The following PCNX2 variants were observed in gnomAD, a reference collection of about 807,000 sequenced individuals.
PCNX2 encodes pecanex-like protein 2.
A neutral mutation model predicts 223.8 loss-of-function variants in PCNX2; 168 were observed. The observed-to-expected ratio is 0.75, with a 90% CI of 0.66 to 0.85. The LOEUF (loss-of-function observed/expected upper bound fraction) is 0.85. Among genes scored for constraint, PCNX2 ranks in the 40% least tolerant of loss-of-function variants. The pLI, the probability that PCNX2 is intolerant of heterozygous loss-of-function variation, is 0.00. For synonymous variants in PCNX2, 1,006 were observed against 1,052.6 expected (o/e 0.96, Z 0.86); for missense variants, 2,507 against 2,675.5 (o/e 0.94, Z 1.39).
At chr1:233,065,824 T>A (rs1672580686) in intron 23 of PCNX2, among the ~76,000 whole-genome samples, 1 of 152,134 alleles carries the variant, frequency 6.6e-6, no homozygotes, top group Admixed American at 6.5e-5. Flanking sequence ...CCTATCTGTA[T>A]CAGTGATAGC....
rs184036017 is a variant in PCNX2, at chr1:233,130,333, C to T, written c.3837+4680G>A. The stretch of plus-strand genomic sequence containing the variant: ...ACCCCCCCACCCACAAACACACCCA[C>T]GTATCCACACACATGCAAAGCCAGG... On this transcript the variant is annotated intron_variant, in intron 21 of 33. Coordinates refer to ENST00000258229, the MANE Select transcript of PCNX2 (RefSeq NM_014801.4). Among the ~76,000 whole-genome samples the T allele has an allele frequency of 3.4e-3, 518 of 152,150 alleles. 6 individuals are homozygous for T. Among genetic ancestry groups the T allele is most frequent in the African/African-American group, 0.012 (481 of 41,494 alleles).
Position 233,252,624 on chromosome 1 carries a change from A to G in PCNX2, c.1982+17T>C. On this transcript the variant is annotated intron_variant, in intron 6 of 33. Coordinates refer to ENST00000258229, the MANE Select transcript of PCNX2 (RefSeq NM_014801.4). ...CTTTATGACCAAGTGAAACTAAATT[A>G]AGTAACTTATCCTTACAAGGCTGTG... 6.2e-7 allele frequency: 1 copy of G among 1,603,176 alleles called. No individual in the cohort carries two copies. Among genetic ancestry groups the G allele is most frequent in the Non-Finnish European group, 8.5e-7 (1 of 1,176,430 alleles).
chr1:233,262,017 G>A (rs768591918), intron 3 of PCNX2, 28 bp downstream of exon 3: 24 of 1,612,558 alleles, frequency 1.5e-5, no homozygotes, highest in Non-Finnish European at 2.0e-5. Flanking sequence ...CACATGAAGA[G>A]GGTGAAACAG....
intron 21 of PCNX2, among the ~76,000 whole-genome samples, chr1:233,116,266 T>C (rs1460168225): frequency 6.6e-6 from 1 of 152,166 alleles, no homozygotes; most frequent in Non-Finnish European, 1.5e-5. Context: ...AACATTATAA[T>C]GCAACAAGAT....
At chr1:233,197,593 A>G (rs1680810755) in intron 15 of PCNX2, among the ~76,000 whole-genome samples, 1 of 152,226 alleles carries the variant, frequency 6.6e-6, no homozygotes, top group South Asian at 2.1e-4. Flanking sequence ...ACCTTTGTAT[A>G]TTAGATACAG....
intron 33 of PCNX2, 159 bp downstream of exon 33, chr1:232,985,933 G>A (rs185217724): frequency 1.2e-4 from 93 of 786,758 alleles, no homozygotes; most frequent in Admixed American, 5.0e-4. Flanking sequence ...AAGCCACTTC[G>A]TGTCTAATCA....
intron 17 of PCNX2, among the ~76,000 whole-genome samples, chr1:233,163,445 C>T (rs1678614746): frequency 6.6e-6 from 1 of 151,976 alleles, no homozygotes; most frequent in South Asian, 2.1e-4. Flanking sequence ...GAGATCACAC[C>T]ACTGCACTCC....
intron 32 of PCNX2, among the ~76,000 whole-genome samples, chr1:232,997,994 G>T (rs962194285): frequency 6.6e-6 from 1 of 152,188 alleles, no homozygotes; most frequent in South Asian, 2.1e-4. Context: ...GGAATGCAGC[G>T]ACCCCTGGAC....
chr1:233,214,418 T>C (rs1252137079), intron 12 of PCNX2, among the ~76,000 whole-genome samples: 1 of 152,172 alleles, frequency 6.6e-6, no homozygotes, highest in African/African-American at 2.4e-5. Context: ...TACTCCAATA[T>C]TTCTCAAAGT....
intron 1 of PCNX2, chr1:233,289,435 T>C (rs1661633587): frequency 1.4e-6 from 2 of 1,406,308 alleles, no homozygotes; most frequent in Non-Finnish European, 1.0e-6. Context: ...ATCTTGGCGC[T>C]CGTACTGAAC....
chr1:233,125,243 C>A (rs1413604638), intron 21 of PCNX2, among the ~76,000 whole-genome samples: 3 of 152,164 alleles, frequency 2.0e-5, no homozygotes, highest in African/African-American at 7.2e-5. Context: ...AAACTGTTTT[C>A]TTTCTTGCTT....
Position 232,997,971 on chromosome 1 carries a change from G to A in PCNX2, c.5791+280C>T, listed in dbSNP as rs757585512. Among the ~76,000 whole-genome samples, 8 of 152,258 alleles carry A rather than the reference G, an allele frequency of 5.3e-5. No individual in the cohort carries two copies. The South Asian group carries it at 6.2e-4, about 12-fold the overall frequency. Reference sequence around the variant, plus strand: ...ATCAAACGGTCATAGAGTGAGAGACGGAAAGATGGAATGGAATGCAGCGAC... The same window carrying A: ...ATCAAACGGTCATAGAGTGAGAGACAGAAAGATGGAATGGAATGCAGCGAC... On this transcript the variant is annotated intron_variant, in intron 32 of 33. Transcript: ENST00000258229.
At chr1:233,301,911 C>T in the PCNX2 span, among the ~76,000 whole-genome samples, 1 of 151,336 alleles carries the variant, frequency 6.6e-6, no homozygotes, top group African/African-American at 2.4e-5. Context: ...CATGCCTCAG[C>T]CTCCTGAGTA....
chr1:233,230,110 T>C (rs895302145), intron 9 of PCNX2, among the ~76,000 whole-genome samples: 2 of 151,422 alleles, frequency 1.3e-5, no homozygotes, highest in African/African-American at 4.9e-5. Flanking sequence ...CAAGAGAGAG[T>C]TTCTACCTTA....
chr1:233,229,879 A>T (rs1167242056), intron 9 of PCNX2, among the ~76,000 whole-genome samples: 1 of 152,122 alleles, frequency 6.6e-6, no homozygotes, highest in Non-Finnish European at 1.5e-5. Context: ...GGTTCATAGA[A>T]TTTTATTTTT....
intron 22 of PCNX2, among the ~76,000 whole-genome samples, chr1:233,091,731 T>A (rs1235236857): frequency 2.3e-4 from 11 of 47,336 alleles, no homozygotes; most frequent in South Asian, 6.8e-4. Flanking sequence ...AGACCCTCCC[T>A]CAAAAAAAAA....
chr1:233,252,593 C>T (rs1572155054), intron 6 of PCNX2, 48 bp downstream of exon 6: 2 of 1,597,404 alleles, frequency 1.3e-6, no homozygotes, highest in East Asian at 4.5e-5. Flanking sequence ...ATGAGGCTGT[C>T]TCATGCTTTA....
At chr1:233,188,320 C>CT (rs1190204258) in intron 15 of PCNX2, among the ~76,000 whole-genome samples, 1 of 152,158 alleles carries the variant, frequency 6.6e-6, no homozygotes, top group Non-Finnish European at 1.5e-5. Context: ...GTTCTAGCTC[C>CT]TAGAGGCCTT....
intron 17 of PCNX2, among the ~76,000 whole-genome samples, chr1:233,166,262 C>CA (rs1678790354): frequency 6.6e-6 from 1 of 152,018 alleles, no homozygotes; most frequent in South Asian, 2.1e-4. Context: ...GTAATTAACT[C>CA]AACATCATGA....
Sources: gnomAD v4.1 joint callset for allele counts (sites outside exome capture counted in the v4.1 genomes callset) on GRCh38, gnomAD v4.1.1 for gene constraint, MANE v1.5 for transcripts, NCBI Gene and HGNC (gene_info 2026-07-23, HGNC 2026-07-21) for gene names.